RNF32: variants seen among roughly 807,000 people sequenced by gnomAD.
RNF32 encodes ring finger protein 32.
RNF32 carries 36 observed loss-of-function variants against 41.0 expected under a neutral mutation model. The observed-to-expected ratio is 0.88, with a 90% CI of 0.67 to 1.16. The LOEUF (loss-of-function observed/expected upper bound fraction) is 1.16. Among genes scored for constraint, RNF32 ranks in the 50% most tolerant of loss-of-function variants. The probability of loss-of-function intolerance (pLI) is 0.00; values close to 1 mark genes in which losing one functional copy is unlikely to be tolerated. For missense variants in RNF32, 413 were observed against 436.7 expected, an observed-to-expected ratio of 0.95 and a Z score of 0.48; for synonymous variants, 154 against 160.9, an observed-to-expected ratio of 0.96 and a Z score of 0.32.
chr7:156,648,861 TG>T (rs1798322230), intron 3 of RNF32, among the ~76,000 whole-genome samples: 1 of 152,234 alleles, frequency 6.6e-6, no homozygotes, highest in South Asian at 2.1e-4. Context: ...TCCATTGTTT[TG>T]TTTTGTTTTG....
intron 3 of RNF32, among the ~76,000 whole-genome samples, chr7:156,647,158 T>A (rs1798068774): frequency 6.6e-6 from 1 of 151,880 alleles, no homozygotes; most frequent in South Asian, 2.1e-4. Flanking sequence ...GGCCTGTTTT[T>A]TTTTAATTTT....
chr7:156,643,780 C>T, intron 1 of RNF32, 21 bp from the exon 2 acceptor site: 10 of 1,140,164 alleles, frequency 8.8e-6, no homozygotes, highest in Non-Finnish European at 1.3e-5. Flanking sequence ...CTTTGACTTT[C>T]TGTTGACCAC....
Position 156,675,997 on chromosome 7 carries a change from G to A in RNF32, c.852+134G>A, listed in dbSNP as rs1803895631. On this transcript the variant is annotated intron_variant, in intron 8 of 8. Transcript: ENST00000317955. ...GTGTCAGGCCCGGGGTGCAGCCGTG[G>A]AGGCTGTGGGGGTGGCATGTCGGGG... 2.1e-5 allele frequency: 20 copies of A among 938,420 alleles called. 1 individual carries two copies. The South Asian group carries it at 3.3e-4, about 15-fold the overall frequency. 58.1% of individuals were successfully genotyped at this position (938,420 alleles called of 1,614,324 possible). A position where few individuals can be genotyped will look rare whatever the true frequency, so the allele number is the denominator to read the frequency against.
intron 7 of RNF32, among the ~76,000 whole-genome samples, chr7:156,666,334 T>C (rs1287580130): frequency 6.6e-6 from 1 of 152,188 alleles, no homozygotes; most frequent in African/African-American, 2.4e-5. Flanking sequence ...TTTTCTTTAG[T>C]TTTCATGCAC....
At chr7:156,651,332 G>C (rs1798707992) in intron 3 of RNF32, among the ~76,000 whole-genome samples, 1 of 151,452 alleles carries the variant, frequency 6.6e-6, no homozygotes, top group Non-Finnish European at 1.5e-5. Flanking sequence ...TCGTGCCTGA[G>C]CCTCCTGAGT....
Position 156,676,602 on chromosome 7 carries a change from C to G in RNF32, c.1036C>G (p.His346Asp). The G allele has an allele frequency of 6.2e-7, 1 of 1,614,202 alleles. No individual in the cohort carries two copies. Among genetic ancestry groups the G allele is most frequent in the South Asian group, 1.1e-5 (1 of 91,070 alleles). Residue 346 changes from histidine to aspartate, a missense_variant, in exon 9 of 9, where the codon CAT (histidine) becomes GAT (aspartate). His to Asp is a moderately conservative substitution (Grantham distance 81). Transcript: ENST00000317955. ...EFSVGDRPPF[H>D]ACPLCRSCYQ... The stretch of plus-strand genomic sequence containing the variant: ...CTCCGTGGGAGACAGGCCTCCTTTC[C>G]ATGCCTGTCCTCTCTGCCGCTCCTG...
chr7:156,644,056 A>G (rs925334247), intron 2 of RNF32, among the ~76,000 whole-genome samples, 164 bp downstream of exon 2: 1 of 152,248 alleles, frequency 6.6e-6, no homozygotes, highest in African/African-American at 2.4e-5. Flanking sequence ...GGACAAGCCA[A>G]TGGAAAAACA....
chr7:156,646,973 TC>T (rs1798036909), intron 3 of RNF32, among the ~76,000 whole-genome samples: 1 of 152,182 alleles, frequency 6.6e-6, no homozygotes, highest in Non-Finnish European at 1.5e-5. Flanking sequence ...TGCCTCAGCC[TC>T]CCAAGTAGCT....
At chr7:156,640,537 T>C (rs1238939794), upstream of RNF32, 4 of 376,316 alleles carry the variant, frequency 1.1e-5, no homozygotes, top group Non-Finnish European at 2.1e-5. Flanking sequence ...GGAACGCACC[T>C]GCGTCTAGAC....
At chr7:156,657,634 A>G in intron 5 of RNF32, 61 bp downstream of exon 5, 1 of 1,522,650 alleles carries the variant, frequency 6.6e-7, no homozygotes, top group Admixed American at 1.7e-5. Context: ...GTGCAGAGAA[A>G]CCATAGTCAT....
intron 7 of RNF32, chr7:156,659,091 T>G (rs1054885291): frequency 6.6e-6 from 9 of 1,358,386 alleles, no homozygotes; most frequent in African/African-American, 4.5e-5. Context: ...GTTTTACTTT[T>G]GGGGGACTTA....
intron 7 of RNF32, among the ~76,000 whole-genome samples, chr7:156,673,967 C>G (rs896927493): frequency 2.0e-5 from 3 of 151,668 alleles, no homozygotes; most frequent in Non-Finnish European, 2.9e-5. Flanking sequence ...ATATTTGAAA[C>G]CTGGACAGTC....
At chr7:156,667,499 G>A (rs896050318) in intron 7 of RNF32, among the ~76,000 whole-genome samples, 1 of 152,176 alleles carries the variant, frequency 6.6e-6, no homozygotes, top group Non-Finnish European at 1.5e-5. Context: ...AATTGAAAAT[G>A]TTTAGGTATT....
intron 5 of RNF32, 128 bp from the exon 6 acceptor site, chr7:156,658,000 C>A: frequency 3.2e-6 from 3 of 947,410 alleles, no homozygotes; most frequent in Non-Finnish European, 4.8e-6. Flanking sequence ...CACTTTATAA[C>A]CTAAATTGGG....
intron 3 of RNF32, chr7:156,646,481 CT>C: frequency 7.7e-7 from 1 of 1,301,370 alleles, no homozygotes. Flanking sequence ...GTACAGCCAA[CT>C]TTAAACCAGT....
intron 4 of RNF32, 36 bp from the exon 5 acceptor site, chr7:156,657,505 G>C: frequency 2.5e-6 from 4 of 1,611,532 alleles, no homozygotes; most frequent in Non-Finnish European, 2.5e-6. Context: ...CTTCTCTTTT[G>C]TAAACTTCAA....
In RNF32 at chr7:156,654,694, A is replaced by G. The variant is rs371522822; in HGVS notation, c.393A>G (p.Lys131=). 44 of 1,613,964 alleles carry G rather than the reference A, an allele frequency of 2.7e-5. No individual in the cohort carries two copies. The highest frequency in any genetic ancestry group is 3.6e-5 in the Non-Finnish European group (43 of 1,179,976). Residue 131 remains lysine (K), a synonymous_variant, in exon 4 of 9, where the codon AAA becomes AAG. Transcript: ENST00000317955. ...GDSVQPCPIC[K]EEFELRPQVL... The stretch of plus-strand genomic sequence containing the variant: ...CCGTGCAACCATGCCCCATCTGTAA[A>G]GAAGAATTCGAGCTTCGTCCTCAGG...
At chr7:156,673,128 A>G (rs1279131100) in intron 7 of RNF32, among the ~76,000 whole-genome samples, 1 of 152,234 alleles carries the variant, frequency 6.6e-6, no homozygotes, top group Non-Finnish European at 1.5e-5. Flanking sequence ...GTCATTCCAA[A>G]TAGTACTTTT....
chr7:156,640,756 G>C (rs1019602923), upstream of RNF32: 2 of 270,204 alleles, frequency 7.4e-6, no homozygotes, highest in South Asian at 3.0e-5. Context: ...CCAGGGAGTT[G>C]CCTGAGGGAA....
Sources: allele counts gnomAD v4.1 joint callset (sites outside exome capture counted in the v4.1 genomes callset), GRCh38; gene constraint gnomAD v4.1.1; transcripts MANE v1.5; gene names NCBI Gene and HGNC (gene_info 2026-07-23, HGNC 2026-07-21).